Variants in CTNNA1 observed in about 807,000 individuals in gnomAD.
CTNNA1 encodes catenin alpha 1.
Under a neutral mutation model 98.4 loss-of-function variants are expected in CTNNA1, and 37 were observed. That is an observed-to-expected ratio of 0.38 (90% CI 0.29 to 0.49). CTNNA1 has a LOEUF of 0.49. CTNNA1 is among the 20% of genes least tolerant of loss of function. The pLI is 0.95. For missense variants in CTNNA1, 761 were observed against 1,147.2 expected (o/e 0.66, Z 4.86); for synonymous variants, 404 against 413.2 (o/e 0.98, Z 0.27).
chr5:138,775,181 G>A (rs1368096851), intron 1 of CTNNA1, among the ~76,000 whole-genome samples: 2 of 152,166 alleles, frequency 1.3e-5, no homozygotes, highest in African/African-American at 2.4e-5. Flanking sequence ...TTTTGTTTGT[G>A]TTAATGCAGT....
chr5:138,912,845 C>G (rs887689848), intron 10 of CTNNA1, among the ~76,000 whole-genome samples: 8 of 152,080 alleles, frequency 5.3e-5, no homozygotes, highest in African/African-American at 1.9e-4. Context: ...CATTCCTGTC[C>G]CTGTTTTTCT....
chr5:138,799,502 G>C (rs1271851051), intron 3 of CTNNA1, among the ~76,000 whole-genome samples: 2 of 151,748 alleles, frequency 1.3e-5, no homozygotes, highest in African/African-American at 4.8e-5. Flanking sequence ...CATGAGAGAT[G>C]GAGGAAAAAA....
At chr5:138,781,080 T>C (rs1216057937) in intron 1 of CTNNA1, among the ~76,000 whole-genome samples, 1 of 152,194 alleles carries the variant, frequency 6.6e-6, no homozygotes, top group Admixed American at 6.5e-5. Flanking sequence ...ATAATAGCTG[T>C]GGGTGCAGAG....
intron 1 of CTNNA1, among the ~76,000 whole-genome samples, chr5:138,767,112 C>A (rs570670351): frequency 1.6e-4 from 25 of 152,124 alleles, no homozygotes; most frequent in Non-Finnish European, 3.1e-4. Flanking sequence ...TCTTGGCTCA[C>A]TGCAAGCTCC....
At chr5:138,848,388 C>G (rs1240045937) in intron 7 of CTNNA1, among the ~76,000 whole-genome samples, 1 of 152,134 alleles carries the variant, frequency 6.6e-6, no homozygotes, top group East Asian at 1.9e-4. Flanking sequence ...ACTTTAAGTC[C>G]TCTTTTTTTT....
chr5:138,914,262 T>C (rs1361224574), intron 10 of CTNNA1, among the ~76,000 whole-genome samples: 1 of 152,246 alleles, frequency 6.6e-6, no homozygotes, highest in African/African-American at 2.4e-5. Flanking sequence ...GGAAACATTT[T>C]CACTAGCCAA....
At chr5:138,823,723 C>T (rs955667710) in intron 5 of CTNNA1, among the ~76,000 whole-genome samples, 5 of 151,768 alleles carry the variant, frequency 3.3e-5, no homozygotes, top group Admixed American at 6.6e-5. Context: ...TTTGGGAGGC[C>T]GAGGCGGGCG....
At chr5:138,827,755 A>T (rs745501709) in intron 7 of CTNNA1, 37 bp downstream of exon 7, 2 of 1,609,970 alleles carry the variant, frequency 1.2e-6, no homozygotes, top group Non-Finnish European at 1.7e-6. Context: ...TAAGATATTT[A>T]TGGATGAGGA....
In CTNNA1 at chr5:138,857,300, C is replaced by T. The variant is rs187973723; in HGVS notation, c.1063-28912C>T. Among the ~76,000 whole-genome samples the T allele has an allele frequency of 3.3e-5, 5 of 152,280 alleles. No individual in the cohort carries two copies. The East Asian group carries it at 9.7e-4, about 29-fold the overall frequency. On this transcript the variant is annotated intron_variant, in intron 7 of 17. Transcript: ENST00000302763. Reference sequence around the variant, plus strand: ...ACCATGTTAAATCTAAGCTCCCTTCCTAGCCCCAGAGGCTTCTTGTTATTT... The same window carrying T: ...ACCATGTTAAATCTAAGCTCCCTTCTTAGCCCCAGAGGCTTCTTGTTATTT...
At chr5:138,899,760 C>G (rs1482174434) in intron 9 of CTNNA1, among the ~76,000 whole-genome samples, 1 of 152,216 alleles carries the variant, frequency 6.6e-6, no homozygotes, top group Non-Finnish European at 1.5e-5. Context: ...TTTCTCTTTT[C>G]TAGCCTCTGA....
intron 9 of CTNNA1, among the ~76,000 whole-genome samples, chr5:138,901,400 T>C (rs1431702042): frequency 2.0e-5 from 3 of 152,110 alleles, no homozygotes; most frequent in African/African-American, 7.2e-5. Flanking sequence ...CCTCAAGCAG[T>C]CCGCCCACCT....
chr5:138,920,396 A>G (rs1762678813), intron 11 of CTNNA1, among the ~76,000 whole-genome samples: 1 of 152,206 alleles, frequency 6.6e-6, no homozygotes, highest in Admixed American at 6.5e-5. Flanking sequence ...GGGAAGCCAC[A>G]TCTTGGCCCT....
intron 1 of CTNNA1, among the ~76,000 whole-genome samples, chr5:138,777,642 G>C (rs565740668): frequency 6.6e-6 from 1 of 151,028 alleles, no homozygotes; most frequent in African/African-American, 2.4e-5. Context: ...GATCACTCGC[G>C]GTTAGGAGCT....
At chr5:138,777,934 G>A (rs1754563262) in intron 1 of CTNNA1, among the ~76,000 whole-genome samples, 1 of 67,418 alleles carries the variant, frequency 1.5e-5, no homozygotes, top group South Asian at 1.0e-3. Context: ...GGGAGAGGGG[G>A]AGGAGGGAGA....
At chr5:138,820,645 TGTCACCAGG>T (rs1214389699) in intron 5 of CTNNA1, among the ~76,000 whole-genome samples, 2 of 152,122 alleles carry the variant, frequency 1.3e-5, no homozygotes, top group East Asian at 3.9e-4. Flanking sequence ...GCCTGAGATT[TGTCACCAGG>T]GTTTCTGTAA....
Position 138,929,312 on chromosome 5 carries a change from G to A in CTNNA1, c.1966G>A (p.Val656Ile), listed in dbSNP as rs564390551. The A allele has an allele frequency of 6.8e-6, 11 of 1,612,016 alleles. 1 individual carries two copies. Among genetic ancestry groups the A allele is most frequent in the African/African-American group, 2.7e-5 (2 of 74,884 alleles). Reference sequence around the variant, plus strand: ...TTTTGATGTCAGAAGCAGGACGAGCGTCCAGACAGAAGACGATCAGCTGAT... The same window carrying A: ...TTTTGATGTCAGAAGCAGGACGAGCATCCAGACAGAAGACGATCAGCTGAT... ...EDFDVRSRTS[V>I]QTEDDQLIAG... is the part of the protein sequence containing the mutation. Residue 656 changes from valine (V) to isoleucine (I), a missense_variant, in exon 14 of 18, where the codon GTC becomes ATC. Around this residue, in one of 6 missense-constraint regions of CTNNA1, gnomAD observed 77 missense variants for 198.8 expected, o/e 0.39. Transcript: ENST00000302763.
At chr5:138,890,259 G>C (rs999589121) in intron 9 of CTNNA1, among the ~76,000 whole-genome samples, 21 of 152,104 alleles carry the variant, frequency 1.4e-4, no homozygotes, top group African/African-American at 4.6e-4. Flanking sequence ...TGGGTTGAGT[G>C]CTCCTCCTAA....
At position 138,924,596 on chromosome 5, in the gene CTNNA1, A is replaced by T. The variant is rs1060502220; in HGVS notation, c.1633A>T (p.Ile545Phe). ...VDGLDRTAGA[I>F]RGRAARVIHV... ...TGGCCTGGACCGCACAGCTGGTGCAATTCGAGGCCGGGCAGCCCGGGTCAT... is the reference window on the plus strand; with the variant it reads ...TGGCCTGGACCGCACAGCTGGTGCATTTCGAGGCCGGGCAGCCCGGGTCAT... Residue 545 changes from isoleucine (I) to phenylalanine (F), a missense_variant, in exon 12 of 18, where the codon ATT (isoleucine) becomes TTT (phenylalanine). Transcript: ENST00000302763. 6.2e-7 allele frequency: 1 copy of T among 1,614,206 alleles called. No homozygotes were observed. The highest frequency in any genetic ancestry group is 8.5e-7 in the Non-Finnish European group (1 of 1,180,028).
At chr5:138,842,558 C>T (rs940870075) in intron 7 of CTNNA1, among the ~76,000 whole-genome samples, 5 of 152,134 alleles carry the variant, frequency 3.3e-5, no homozygotes, top group East Asian at 1.9e-4. Context: ...TTTCTTATGC[C>T]GTTAAAGTTT....
Sources: allele counts gnomAD v4.1 joint callset (sites outside exome capture counted in the v4.1 genomes callset), GRCh38; gene constraint gnomAD v4.1.1; regional missense constraint gnomAD v4.1.1; transcripts MANE v1.5; gene names NCBI Gene and HGNC (gene_info 2026-07-23, HGNC 2026-07-21).